The following ERBB4 variants were observed in gnomAD, a reference collection of about 807,000 sequenced individuals.
ERBB4 encodes the protein receptor tyrosine-protein kinase erbB-4.
In ERBB4, 42 loss-of-function variants were observed where a neutral mutation model predicts 158.0. That is an observed-to-expected ratio of 0.27 (90% confidence interval 0.21 to 0.34). The LOEUF (loss-of-function observed/expected upper bound fraction) is 0.34. Among genes scored for constraint, ERBB4 ranks in the 10% least tolerant of loss-of-function variants. ERBB4 has a pLI of 1.00. For missense variants in ERBB4, 1,333 were observed against 1,624.1 expected (o/e 0.82, Z 3.08); for synonymous variants, 583 against 558.7 (o/e 1.04, Z -0.61).
chr2:212,250,609 C>T (rs1247309063), intron 1 of ERBB4, among the ~76,000 whole-genome samples: 3 of 151,982 alleles, frequency 2.0e-5, no homozygotes, highest in African/African-American at 7.2e-5. Context: ...ATGATACCAT[C>T]TGAATTGATA....
intron 3 of ERBB4, among the ~76,000 whole-genome samples, chr2:211,907,012 C>A (rs1350291426): frequency 6.6e-6 from 1 of 151,582 alleles, no homozygotes; most frequent in South Asian, 2.1e-4. Context: ...TATTTGTGTT[C>A]TTCTGACCTT....
intron 1 of ERBB4, among the ~76,000 whole-genome samples, chr2:212,443,918 G>A (rs1275762422): frequency 6.6e-6 from 1 of 152,154 alleles, no homozygotes; most frequent in Non-Finnish European, 1.5e-5. Context: ...GTCACCATGT[G>A]ACCTGAATTG....
intron 1 of ERBB4, among the ~76,000 whole-genome samples, chr2:212,193,450 A>G (rs1042671288): frequency 6.6e-6 from 1 of 152,140 alleles, no homozygotes; most frequent in African/African-American, 2.4e-5. Flanking sequence ...TGGGTCACAT[A>G]TAGAATACAA....
chr2:211,456,151 T>C (rs1230352667), intron 20 of ERBB4, among the ~76,000 whole-genome samples: 3 of 152,230 alleles, frequency 2.0e-5, no homozygotes, highest in Non-Finnish European at 2.9e-5. Flanking sequence ...TCAAGTCTAC[T>C]GTTTTTTCAT....
intron 4 of ERBB4, among the ~76,000 whole-genome samples, chr2:211,782,895 T>A (rs910934956): frequency 6.6e-6 from 1 of 152,174 alleles, no homozygotes; most frequent in Admixed American, 6.5e-5. Flanking sequence ...AGTAGTTTTT[T>A]CCAATTCTGT....
At chr2:211,978,530 C>A (rs1339513066) in intron 2 of ERBB4, among the ~76,000 whole-genome samples, 1 of 152,098 alleles carries the variant, frequency 6.6e-6, no homozygotes, top group Admixed American at 6.6e-5. Context: ...TGAAGGGATC[C>A]TCCCAACCTT....
intron 2 of ERBB4, among the ~76,000 whole-genome samples, chr2:211,955,247 C>T (rs2125159278): frequency 6.6e-6 from 1 of 152,140 alleles, no homozygotes. Context: ...TAAGAATCTG[C>T]AGGCCATTTC....
chr2:212,242,137 C>T (rs913524242), intron 1 of ERBB4, among the ~76,000 whole-genome samples: 3 of 151,706 alleles, frequency 2.0e-5, no homozygotes, highest in Non-Finnish European at 2.9e-5. Context: ...TAGCCTAAAA[C>T]CTTACAATTT....
At chr2:212,467,529 T>A (rs112777408) in intron 1 of ERBB4, among the ~76,000 whole-genome samples, 4,909 of 152,302 alleles carry the variant, frequency 0.032, 129 homozygotes, top group African/African-American at 0.076. Context: ...CTTGGCAGCT[T>A]CCATGTGATG....
At chr2:211,938,130 CTG>C (rs1031586330) in intron 3 of ERBB4, among the ~76,000 whole-genome samples, 8 of 152,146 alleles carry the variant, frequency 5.3e-5, no homozygotes, top group Admixed American at 2.6e-4. Flanking sequence ...TAAAAATACA[CTG>C]TGTCTATTTT....
chr2:211,978,372 G>GTC (rs2125223662), intron 2 of ERBB4, among the ~76,000 whole-genome samples: 1 of 117,702 alleles, frequency 8.5e-6, no homozygotes, highest in Non-Finnish European at 1.8e-5. Context: ...GAGTCTGTCT[G>GTC]TCTGTCTGTC....
intron 1 of ERBB4, among the ~76,000 whole-genome samples, chr2:212,213,866 G>A (rs959853217): frequency 1.3e-5 from 2 of 151,698 alleles, no homozygotes; most frequent in African/African-American, 4.8e-5. Context: ...AGGTTTTCAG[G>A]CCAAAAGGCA....
chr2:211,501,404 T>G (rs1574618643), intron 20 of ERBB4, among the ~76,000 whole-genome samples: 2 of 151,958 alleles, frequency 1.3e-5, no homozygotes, highest in East Asian at 3.9e-4. Flanking sequence ...ATACCCCAAC[T>G]ACTTGATTTG....
intron 1 of ERBB4, among the ~76,000 whole-genome samples, chr2:212,267,571 C>T (rs1156810965): frequency 6.8e-6 from 1 of 146,856 alleles, no homozygotes; most frequent in East Asian, 2.0e-4. Flanking sequence ...ACAGCCCCTA[C>T]TCCCTAAAAA....
chr2:211,553,485 A>AT (rs2125706164), intron 20 of ERBB4, among the ~76,000 whole-genome samples: 1 of 152,314 alleles, frequency 6.6e-6, no homozygotes, highest in East Asian at 1.9e-4. Flanking sequence ...TTTAAAAGTC[A>AT]TATTTTTAAA....
chr2:211,414,273 G>A (rs1476572233), intron 25 of ERBB4, among the ~76,000 whole-genome samples: 1 of 152,080 alleles, frequency 6.6e-6, no homozygotes, highest in Non-Finnish European at 1.5e-5. Flanking sequence ...TGAGGCGGGC[G>A]AATCACTTGA....
intron 2 of ERBB4, among the ~76,000 whole-genome samples, chr2:212,033,223 A>C (rs2076941938): frequency 6.6e-6 from 1 of 152,032 alleles, no homozygotes. Context: ...GTACACTTTT[A>C]GATAGGCAAT....
At chr2:212,006,237 T>G (rs2076256663) in intron 2 of ERBB4, among the ~76,000 whole-genome samples, 1 of 152,124 alleles carries the variant, frequency 6.6e-6, no homozygotes, top group Non-Finnish European at 1.5e-5. Flanking sequence ...TTGCACATTT[T>G]GAAAATAAAT....
At chr2:212,506,844 T>C (rs1400412614) in intron 1 of ERBB4, among the ~76,000 whole-genome samples, 2 of 152,198 alleles carry the variant, frequency 1.3e-5, no homozygotes, top group Non-Finnish European at 2.9e-5. Context: ...CAGCAAGTTA[T>C]CTGGAAGATC....
Sources: allele counts gnomAD v4.1 joint callset (sites outside exome capture counted in the v4.1 genomes callset), GRCh38; gene constraint gnomAD v4.1.1; transcripts MANE v1.5; gene names NCBI Gene and HGNC (gene_info 2026-07-23, HGNC 2026-07-21).